RYK: variants seen among roughly 807,000 people sequenced by gnomAD.
The protein encoded by RYK is inactive tyrosine-protein kinase RYK.
A neutral mutation model predicts 70.2 loss-of-function variants in RYK; 21 were observed. That is an observed-to-expected ratio of 0.30 (90% CI 0.21 to 0.43). The LOEUF (loss-of-function observed/expected upper bound fraction) is 0.43, where lower values mean the gene tolerates loss of function less well. RYK is among the 20% of genes least tolerant of loss of function. RYK has a pLI of 1.00. For missense variants in RYK, 604 were observed against 753.3 expected, an observed-to-expected ratio of 0.80 and a Z score of 2.32; for synonymous variants, 267 against 278.0, an observed-to-expected ratio of 0.96 and a Z score of 0.39.
At position 134,245,557 on chromosome 3, in the gene RYK, C is replaced by T. The variant is rs375830006; in HGVS notation, c.232+4866G>A. Among the ~76,000 whole-genome samples, 45 of 152,208 alleles carry T rather than the reference C, an allele frequency of 3.0e-4. No homozygotes were observed. The East Asian group carries it at 7.1e-3, about 24-fold the overall frequency. On this transcript the variant is annotated intron_variant, in intron 1 of 14. Coordinates refer to ENST00000623711, the MANE Select transcript of RYK (RefSeq NM_002958.4). ...GGAGATGCCAAAGGCTGATGTGAGG[C>T]TTAGCCTAGACAAGGGGGGAGCCAC...
intron 13 of RYK, among the ~76,000 whole-genome samples, chr3:134,168,528 A>G (rs1158461451): frequency 1.3e-5 from 2 of 150,260 alleles, no homozygotes; most frequent in African/African-American, 4.9e-5. Context: ...AGGACAAAAA[A>G]CCAAACACCG....
chr3:134,206,203 C>T (rs755339083), intron 5 of RYK, among the ~76,000 whole-genome samples: 4 of 152,110 alleles, frequency 2.6e-5, no homozygotes, highest in Admixed American at 1.3e-4. Context: ...ATACTCTGTG[C>T]CTCCCAAGGT....
At chr3:134,203,188 A>C (rs2014083670) in intron 5 of RYK, among the ~76,000 whole-genome samples, 1 of 152,110 alleles carries the variant, frequency 6.6e-6, no homozygotes, top group Admixed American at 6.5e-5. Flanking sequence ...CCTCTACTAA[A>C]AGTACGAAAA....
chr3:134,159,150 G>C (rs928334889), intron 14 of RYK, 87 bp downstream of exon 14: 1 of 1,353,862 alleles, frequency 7.4e-7, no homozygotes, highest in Admixed American at 1.9e-5. Flanking sequence ...GGAAGGCTCT[G>C]TGTGAATATG....
rs115107686 is a variant in RYK at position 134,175,641 on chromosome 3, C to T, written c.1543G>A (p.Val515Ile). 189 of 1,613,950 alleles carry T rather than the reference C, an allele frequency of 1.2e-4. No individual in the cohort carries two copies. In the African/African-American group the frequency reaches 2.1e-3, roughly 18 times the overall value. ...PVRWMALESL[V>I]NNEFSSASDV... ...CTAGCGCTAGAGAACTCGTTATTAA[C>T]CAGACTTTCAAGAGCCATCCAACGA... The change falls in exon 13 of 15, where the codon GTT becomes ATT. Residue 515 changes from valine (V) to isoleucine (I), a missense_variant. Val to Ile is a conservative substitution (Grantham distance 29). Transcript: ENST00000623711.
intron 3 of RYK, among the ~76,000 whole-genome samples, chr3:134,210,395 T>C (rs977989739): frequency 1.1e-4 from 16 of 149,612 alleles, no homozygotes; most frequent in African/African-American, 3.9e-4. Flanking sequence ...TCAGTGCATA[T>C]AATTTTTTTC....
intron 1 of RYK, among the ~76,000 whole-genome samples, chr3:134,228,973 A>T (rs2014982570): frequency 6.6e-6 from 1 of 152,196 alleles, no homozygotes; most frequent in South Asian, 2.1e-4. Context: ...CTCTATAAAT[A>T]TGTACAATAA....
chr3:134,238,676 G>C (rs1423182844), intron 1 of RYK, among the ~76,000 whole-genome samples: 1 of 152,142 alleles, frequency 6.6e-6, no homozygotes, highest in Non-Finnish European at 1.5e-5. Context: ...AATCAACACA[G>C]AACAGGCACA....
At chr3:134,207,348 A>G (rs565447558) in intron 5 of RYK, 124 bp downstream of exon 5, 24 of 511,204 alleles carry the variant, frequency 4.7e-5, no homozygotes, top group Non-Finnish European at 7.1e-5. Flanking sequence ...CACCAGCAAA[A>G]TAACAGCATG....
chr3:134,250,522 C>G lies in RYK; in HGVS notation c.133G>C (p.Ala45Pro). 8.2e-7 allele frequency: 1 copy of G among 1,219,596 alleles called. No homozygotes were observed. The highest frequency in any genetic ancestry group is 3.3e-5 in the South Asian group (1 of 29,880). 75.5% of individuals were successfully genotyped at this position (1,219,596 alleles called of 1,614,324 possible). The stretch of plus-strand genomic sequence containing the variant: ...GGGGGCCGCGGGGCGGGGGCGGCGG[C>G]AGCGCCAGGCGCGGGCAGCAGCGGC... The part of the protein sequence containing the change: ...LLPLLPAPGA[A>P]AAPAPRPPEL... Residue 45 changes from alanine to proline, a missense_variant, in exon 1 of 15, where the codon GCC becomes CCC. Transcript: ENST00000623711.
At chr3:134,236,294 A>AT (rs1393466314) in intron 1 of RYK, among the ~76,000 whole-genome samples, 12 of 152,168 alleles carry the variant, frequency 7.9e-5, no homozygotes, top group Non-Finnish European at 1.5e-5. Flanking sequence ...ATAATGCATA[A>AT]TAAGAGCTGG....
chr3:134,162,776 G>T (rs2012521226), intron 13 of RYK, among the ~76,000 whole-genome samples: 1 of 149,088 alleles, frequency 6.7e-6, no homozygotes, highest in South Asian at 2.4e-4. Context: ...CCATAGAGAA[G>T]GTAGTTCCCT....
chr3:134,241,172 CA>C (rs34101853), intron 1 of RYK, among the ~76,000 whole-genome samples: 1,267 of 118,074 alleles, frequency 0.011, 19 homozygotes, highest in African/African-American at 0.037. Context: ...CCATCTCTAC[CA>C]AAAAAAAAAA....
At chr3:134,168,515 G>A (rs907560187) in intron 13 of RYK, among the ~76,000 whole-genome samples, 35 of 151,410 alleles carry the variant, frequency 2.3e-4, no homozygotes, top group Non-Finnish European at 3.2e-4. Flanking sequence ...GCAAACTATC[G>A]CAAGGACAAA....
intron 13 of RYK, among the ~76,000 whole-genome samples, chr3:134,160,017 G>C (rs562574268): frequency 2.6e-5 from 4 of 152,026 alleles, no homozygotes; most frequent in South Asian, 2.1e-4. Flanking sequence ...TGCAGGGGGC[G>C]GGGGGCAGGC....
chr3:134,177,050 A>G (rs1367936749), intron 11 of RYK, among the ~76,000 whole-genome samples: 1 of 107,000 alleles, frequency 9.3e-6, no homozygotes, highest in East Asian at 3.0e-4. Context: ...CATCTCAAAA[A>G]AAAACACAAA....
intron 9 of RYK, among the ~76,000 whole-genome samples, chr3:134,183,798 C>T (rs1432452121): frequency 3.3e-5 from 5 of 152,138 alleles, no homozygotes; most frequent in African/African-American, 4.8e-5. Flanking sequence ...TACCCACTAA[C>T]AAAGAACTAA....
intron 1 of RYK, among the ~76,000 whole-genome samples, chr3:134,226,805 CTT>C (rs370079163): frequency 9.2e-5 from 14 of 152,134 alleles, no homozygotes; most frequent in African/African-American, 3.1e-4. Flanking sequence ...TAGACAGAAA[CTT>C]TCTTAGTTTG....
chr3:134,176,994 T>C (rs1292792251), intron 11 of RYK, among the ~76,000 whole-genome samples: 1 of 151,880 alleles, frequency 6.6e-6, no homozygotes. Flanking sequence ...CTGGCAGTGC[T>C]GAGATCACGC....
Sources: gnomAD v4.1 joint callset for allele counts (sites outside exome capture counted in the v4.1 genomes callset) on GRCh38, gnomAD v4.1.1 for gene constraint, MANE v1.5 for transcripts, NCBI Gene and HGNC (gene_info 2026-07-23, HGNC 2026-07-21) for gene names.